Variants in SOX6 observed in about 807,000 individuals in gnomAD.
SOX6 encodes transcription factor SOX-6.
Under a neutral mutation model 97.8 loss-of-function variants are expected in SOX6, and 11 were observed. The observed-to-expected ratio is 0.11, with a 90% CI of 0.07 to 0.19. The LOEUF (loss-of-function observed/expected upper bound fraction) is 0.19. SOX6 is among the 10% of genes least tolerant of loss of function. SOX6 has a pLI of 1.00. For missense variants in SOX6, 810 were observed against 1,039.5 expected, an observed-to-expected ratio of 0.78 and a Z score of 3.04; for synonymous variants, 360 against 371.4, an observed-to-expected ratio of 0.97 and a Z score of 0.35.
intron 4 of SOX6, among the ~76,000 whole-genome samples, chr11:16,231,480 A>T (rs1049340190): frequency 6.6e-6 from 1 of 151,736 alleles, no homozygotes. Flanking sequence ...TAAATTAATA[A>T]TACTTGTTAT....
intron 4 of SOX6, among the ~76,000 whole-genome samples, chr11:16,557,434 T>C (rs1038972305): frequency 5.9e-5 from 9 of 151,892 alleles, no homozygotes; most frequent in African/African-American, 1.9e-4. Flanking sequence ...TTCTGGACTA[T>C]ACACCATCCT....
chr11:16,597,762 A>G, intron 4 of SOX6, among the ~76,000 whole-genome samples: 1 of 152,040 alleles, frequency 6.6e-6, no homozygotes, highest in East Asian at 1.9e-4. Flanking sequence ...AGAATGAAGA[A>G]AGGATGATCA....
chr11:16,173,579 GT>G (rs562492298), intron 6 of SOX6, among the ~76,000 whole-genome samples: 1,501 of 131,170 alleles, frequency 0.011, 15 homozygotes, highest in South Asian at 0.081. Flanking sequence ...TAGTTTTTTT[GT>G]TTTTTTTTTT....
intron 4 of SOX6, among the ~76,000 whole-genome samples, chr11:16,603,200 T>C (rs1038947674): frequency 1.3e-5 from 2 of 151,964 alleles, no homozygotes; most frequent in Non-Finnish European, 2.9e-5. Context: ...GTGCCTAATG[T>C]TGAGTGTTGA....
intron 4 of SOX6, among the ~76,000 whole-genome samples, chr11:16,492,721 CA>C (rs1465380307): frequency 6.6e-6 from 1 of 152,070 alleles, no homozygotes; most frequent in Non-Finnish European, 1.5e-5. Context: ...TGTTGGAATC[CA>C]AACTAAGACT....
At position 16,490,018 on chromosome 11, in the gene SOX6, CA is replaced by C. The variant is rs1860486018; in HGVS notation, n.610-13631del. On this transcript the variant is annotated intron_variant and non_coding_transcript_variant, in intron 4 of 5. Coordinates refer to the SOX6 transcript ENST00000524520. Reference sequence around the variant, plus strand: ...TAGGATAATAAAATGAGATTATCTACATAAAATATCTAGCAACATATTGAGC... The same window carrying C: ...TAGGATAATAAAATGAGATTATCTACTAAAATATCTAGCAACATATTGAGC... Among the ~76,000 whole-genome samples the C allele has an allele frequency of 2.0e-5, 3 of 152,044 alleles. No individual in the cohort carries two copies. In the South Asian group the frequency reaches 6.2e-4, roughly 31 times the overall value.
chr11:16,088,200 T>A (rs1008336410), intron 9 of SOX6, among the ~76,000 whole-genome samples: 4 of 152,102 alleles, frequency 2.6e-5, no homozygotes, highest in African/African-American at 9.7e-5. Context: ...TCCCATATAC[T>A]CCCTGTTCCC....
chr11:16,285,032 T>G (rs1182371748), intron 3 of SOX6, among the ~76,000 whole-genome samples: 1 of 152,128 alleles, frequency 6.6e-6, no homozygotes, highest in Non-Finnish European at 1.5e-5. Context: ...ATTTTTTAGA[T>G]AAAACAGACT....
At chr11:16,603,959 A>C (rs1004843739) in intron 4 of SOX6, among the ~76,000 whole-genome samples, 2 of 152,232 alleles carry the variant, frequency 1.3e-5, no homozygotes, top group Non-Finnish European at 2.9e-5. Context: ...CAGGTCGGCC[A>C]AGCCCGTGCC....
rs75203439 is a variant in SOX6 at position 16,718,289 on chromosome 11, ACAAG to A, written n.354-3388_354-3385del. ...AAATTTCATTCCTCATGATACACAT[ACAAG>A]CAGACTTCTAAGATCCCATACACAA... is the stretch of plus-strand genomic sequence containing the variant. On this transcript the variant is annotated intron_variant and non_coding_transcript_variant, in intron 2 of 5. Coordinates refer to the SOX6 transcript ENST00000524520. Among the ~76,000 whole-genome samples, 11 of 152,238 alleles carry A rather than the reference ACAAG, an allele frequency of 7.2e-5. No homozygotes were observed. In the East Asian group the frequency reaches 2.1e-3, roughly 29 times the overall value.
At chr11:16,152,885 T>C (rs948435744) in intron 6 of SOX6, among the ~76,000 whole-genome samples, 1 of 152,018 alleles carries the variant, frequency 6.6e-6, no homozygotes, top group Non-Finnish European at 1.5e-5. Context: ...TTTGTTTGTT[T>C]GAAATGGAGT....
chr11:16,397,712 A>G (rs890156589), intron 1 of SOX6: 2 of 151,642 alleles, frequency 1.3e-5, no homozygotes, highest in African/African-American at 2.4e-5. Context: ...AAAACGAGGT[A>G]CAGTTTAAAT....
At chr11:16,569,503 T>A (rs78408283) in intron 4 of SOX6, among the ~76,000 whole-genome samples, 1 of 152,102 alleles carries the variant, frequency 6.6e-6, no homozygotes, top group African/African-American at 2.4e-5. Context: ...TTATTTTAAA[T>A]ATAAGAATTA....
chr11:16,524,555 C>T (rs1861124476), intron 4 of SOX6, among the ~76,000 whole-genome samples: 1 of 150,232 alleles, frequency 6.7e-6, no homozygotes, highest in African/African-American at 2.4e-5. Flanking sequence ...GGAAGCATTC[C>T]CTTTGAAAAC....
intron 3 of SOX6, among the ~76,000 whole-genome samples, chr11:16,704,678 G>A (rs1167450098): frequency 2.0e-5 from 3 of 152,146 alleles, no homozygotes; most frequent in Non-Finnish European, 4.4e-5. Flanking sequence ...TGTACCTATA[G>A]AATGTCCAAA....
At chr11:16,350,121 C>T (rs1026333950) in intron 1 of SOX6, among the ~76,000 whole-genome samples, 1 of 152,192 alleles carries the variant, frequency 6.6e-6, no homozygotes, top group Non-Finnish European at 1.5e-5. Context: ...GAGCTTGAAT[C>T]TTAGAATACA....
intron 1 of SOX6, among the ~76,000 whole-genome samples, chr11:16,416,279 A>G (rs1261438704): frequency 6.6e-6 from 1 of 152,236 alleles, no homozygotes; most frequent in Non-Finnish European, 1.5e-5. Context: ...CCTACTGGTG[A>G]GCATCATGCT....
At chr11:16,583,837 C>T (rs1589995182) in intron 4 of SOX6, among the ~76,000 whole-genome samples, 3 of 151,712 alleles carry the variant, frequency 2.0e-5, no homozygotes, top group East Asian at 3.9e-4. Flanking sequence ...GAATCCTCCA[C>T]ACTGTTTTCC....
At chr11:16,535,015 G>C (rs1280428777) in intron 4 of SOX6, among the ~76,000 whole-genome samples, 1 of 152,156 alleles carries the variant, frequency 6.6e-6, no homozygotes, top group Admixed American at 6.5e-5. Flanking sequence ...GCCACAAGCA[G>C]AGATATGTCA....
Sources: allele counts gnomAD v4.1 joint callset (sites outside exome capture counted in the v4.1 genomes callset), GRCh38; gene constraint gnomAD v4.1.1; transcripts MANE v1.5; gene names NCBI Gene and HGNC (gene_info 2026-07-23, HGNC 2026-07-21).